Variants in GLDC observed in about 807,000 individuals in gnomAD.
The protein encoded by GLDC is glycine dehydrogenase (decarboxylating), mitochondrial.
A neutral mutation model predicts 121.3 loss-of-function variants in GLDC; 104 were observed. That is an observed-to-expected ratio of 0.86 (90% CI 0.73 to 1.01). GLDC has a LOEUF of 1.01. GLDC is among the 50% of genes least tolerant of loss of function. The probability of loss-of-function intolerance (pLI) is 0.00; values close to 1 mark genes in which losing one functional copy is unlikely to be tolerated. For synonymous variants in GLDC, 546 were observed against 480.6 expected (o/e 1.14, Z -1.78); for missense variants, 1,429 against 1,306.6 (o/e 1.09, Z -1.44).
chr9:6,540,931 CAGATCGTTTT>C (rs1298466305), intron 21 of GLDC: 1 of 152,056 alleles, frequency 6.6e-6, no homozygotes, highest in Non-Finnish European at 1.5e-5. Flanking sequence ...CTGAGGTGGG[CAGATCGTTTT>C]AGATCAGGAG....
At chr9:6,642,886 T>A (rs1819656113) in intron 2 of GLDC, among the ~76,000 whole-genome samples, 1 of 150,124 alleles carries the variant, frequency 6.7e-6, no homozygotes, top group African/African-American at 2.5e-5. Context: ...AGGATTCTGA[T>A]TTTTTCTTTT....
At chr9:6,551,299 GATCTGGGCCAAT>G (rs1459123921) in intron 20 of GLDC, among the ~76,000 whole-genome samples, 2 of 152,130 alleles carry the variant, frequency 1.3e-5, no homozygotes, top group South Asian at 4.1e-4. Flanking sequence ...AATCCGATGG[GATCTGGGCCAAT>G]ATCTCCACGG....
intron 15 of GLDC, among the ~76,000 whole-genome samples, chr9:6,572,048 T>A (rs1040527971): frequency 4.6e-5 from 7 of 152,158 alleles, no homozygotes; most frequent in African/African-American, 1.7e-4. Context: ...TGTAAATGGA[T>A]CATGGACTTA....
chr9:6,558,732 T>C lies in GLDC; in HGVS notation c.1927-48A>G, dbSNP rs1306053343. The C allele has an allele frequency of 1.1e-5, 17 of 1,605,364 alleles. No homozygotes were observed. In the East Asian group the frequency reaches 3.3e-4, roughly 32 times the overall value. ...AGAAAGAGCAAAATCATCATCAGACTATGAATAATGACAGAAAAGTACTAC... is the reference window on the plus strand; with the variant it reads ...AGAAAGAGCAAAATCATCATCAGACCATGAATAATGACAGAAAAGTACTAC... On this transcript the variant is annotated intron_variant, in intron 16 of 24. Transcript: ENST00000321612.
intron 8 of GLDC, among the ~76,000 whole-genome samples, chr9:6,599,280 C>T (rs961239098): frequency 1.3e-5 from 2 of 151,932 alleles, no homozygotes; most frequent in Non-Finnish European, 2.9e-5. Context: ...AAAACTGAGG[C>T]CCTAAATGGA....
At chr9:6,589,163 CA>C in intron 12 of GLDC, 31 bp downstream of exon 12, 1 of 1,330,988 alleles carries the variant, frequency 7.5e-7, no homozygotes, top group Non-Finnish European at 1.1e-6. Context: ...TACCAAAGCA[CA>C]AAACGCAGAA....
chr9:6,556,088 T>TA, intron 18 of GLDC, 65 bp downstream of exon 18: 1 of 1,339,060 alleles, frequency 7.5e-7, no homozygotes, highest in Non-Finnish European at 1.1e-6. Context: ...AAGTCAGAAT[T>TA]TTTTTTTTTT....
chr9:6,557,380 G>A (rs1240627007), intron 17 of GLDC, among the ~76,000 whole-genome samples: 1 of 152,146 alleles, frequency 6.6e-6, no homozygotes, highest in Non-Finnish European at 1.5e-5. Context: ...CGGATCATGA[G>A]GTCAGGAGAT....
Position 6,645,637 on chromosome 9 carries a change from TG to T in GLDC, c.-139del. ...CTGGACAGTCGGCCGGACAGATGGA[TG>T]GACGCTCGCGGGCAATGAATGGGCG... On this transcript the variant is annotated 5_prime_UTR_variant, in exon 1 of 25. Coordinates refer to ENST00000321612, the MANE Select transcript of GLDC (RefSeq NM_000170.3). 1.9e-6 allele frequency: 1 copy of T among 514,194 alleles called. No individual in the cohort carries two copies. The highest frequency in any genetic ancestry group is 2.8e-6 in the Non-Finnish European group (1 of 353,162). The allele number at this position is 514,194 out of a possible 1,614,324, so 31.9% of individuals were successfully genotyped here.
At chr9:6,588,974 T>G (rs1399808113) in intron 12 of GLDC, among the ~76,000 whole-genome samples, 1 of 152,164 alleles carries the variant, frequency 6.6e-6, no homozygotes, top group African/African-American at 2.4e-5. Context: ...TGGCAATTAT[T>G]CATCCCTGCT....
rs765177412 is a variant in GLDC, at chr9:6,556,144, A to C, written c.2202+9T>G. The C allele has an allele frequency of 1.9e-6, 3 of 1,609,386 alleles. No homozygotes were observed. The Admixed American group carries it at 5.0e-5, about 27-fold the overall frequency. ...GTGGGAACTAAGGGCGGGCCTCTTC[A>C]GTTCCCACCTGAGCATTCATATTTG... On this transcript the variant is annotated intron_variant, in intron 18 of 24. Transcript: ENST00000321612.
At position 6,588,742 on chromosome 9, in the gene GLDC, G is replaced by C. The variant is rs767914959; in HGVS notation, c.1581-40C>G. 11 of 1,177,654 alleles carry C rather than the reference G, an allele frequency of 9.3e-6. No homozygotes were observed. In the Admixed American group the frequency reaches 1.5e-4, roughly 16 times the overall value. 73.0% of individuals were successfully genotyped at this position (1,177,654 alleles called of 1,614,324 possible). ...CACAGAATTAGGGGCCCCAAAAGTA[G>C]ATATGAGTCCATGCACATCCTCCTG... On this transcript the variant is annotated intron_variant, in intron 12 of 24. Transcript: ENST00000321612.
At chr9:6,560,856 G>T (rs1433282974) in intron 16 of GLDC, among the ~76,000 whole-genome samples, 1 of 152,174 alleles carries the variant, frequency 6.6e-6, no homozygotes, top group African/African-American at 2.4e-5. Flanking sequence ...AAGATCTTGA[G>T]ATGGAAAAAT....
At chr9:6,630,192 C>T (rs1422285516) in intron 2 of GLDC, among the ~76,000 whole-genome samples, 2 of 151,588 alleles carry the variant, frequency 1.3e-5, no homozygotes, top group African/African-American at 4.9e-5. Context: ...TGGTGTGAAC[C>T]CAGGAGGCGG....
intron 2 of GLDC, 58 bp from the exon 3 acceptor site, chr9:6,620,377 TAC>T: frequency 7.0e-7 from 1 of 1,429,192 alleles, no homozygotes; most frequent in Non-Finnish European, 9.9e-7. Context: ...GAGCTCTAAT[TAC>T]AGTTTAAATC....
intron 20 of GLDC, among the ~76,000 whole-genome samples, 188 bp downstream of exon 20, chr9:6,553,180 A>T (rs1817550823): frequency 6.6e-6 from 1 of 152,172 alleles, no homozygotes; most frequent in Non-Finnish European, 1.5e-5. Context: ...TGAAGGAGAG[A>T]TGAAATGATT....
At chr9:6,535,310 T>C (rs1273130741) in intron 23 of GLDC, among the ~76,000 whole-genome samples, 1 of 151,688 alleles carries the variant, frequency 6.6e-6, no homozygotes, top group Non-Finnish European at 1.5e-5. Context: ...GAAGCAGGTG[T>C]CTTCAGAGAG....
chr9:6,546,704 G>A (rs1275113425), intron 21 of GLDC, among the ~76,000 whole-genome samples: 1 of 151,880 alleles, frequency 6.6e-6, no homozygotes, highest in African/African-American at 2.4e-5. Context: ...GCTCACGCCT[G>A]TAATCCCAGC....
intron 3 of GLDC, 131 bp from the exon 4 acceptor site, chr9:6,610,487 A>G: frequency 1.2e-6 from 1 of 813,466 alleles, no homozygotes; most frequent in African/African-American, 1.7e-5. Flanking sequence ...ACACACCAGT[A>G]AGCTTCTTTT....
Sources: gnomAD v4.1 joint callset for allele counts (sites outside exome capture counted in the v4.1 genomes callset) on GRCh38, gnomAD v4.1.1 for gene constraint, MANE v1.5 for transcripts, NCBI Gene and HGNC (gene_info 2026-07-23, HGNC 2026-07-21) for gene names.